ZRANB3: variants seen among roughly 807,000 people sequenced by gnomAD.
ZRANB3 encodes the protein DNA annealing helicase and endonuclease ZRANB3.
In ZRANB3, 125 loss-of-function variants were observed where a neutral mutation model predicts 133.8. That is an observed-to-expected ratio of 0.93 (90% CI 0.81 to 1.08). The LOEUF (loss-of-function observed/expected upper bound fraction) is 1.08. ZRANB3 is among the 50% of genes least tolerant of loss of function. The pLI is 0.00. For synonymous variants in ZRANB3, 387 were observed against 432.7 expected, an observed-to-expected ratio of 0.89 and a Z score of 1.31; for missense variants, 1,229 against 1,275.5, an observed-to-expected ratio of 0.96 and a Z score of 0.56.
intron 11 of ZRANB3, among the ~76,000 whole-genome samples, chr2:135,267,097 T>C (rs1237758159): frequency 1.3e-5 from 2 of 152,228 alleles, no homozygotes; most frequent in African/African-American, 4.8e-5. Flanking sequence ...ATAAATCTCT[T>C]AAAATATTTT....
At chr2:135,473,541 T>C (rs1301434516) in intron 2 of ZRANB3, among the ~76,000 whole-genome samples, 1 of 146,774 alleles carries the variant, frequency 6.8e-6, no homozygotes, top group Non-Finnish European at 1.5e-5. Flanking sequence ...TAGCTAGTAA[T>C]ATGCTAAAAA....
rs776713406 is a variant in ZRANB3, at chr2:135,230,512, C to G, written c.1954+1G>C. 2 of 1,523,694 alleles carry G rather than the reference C, an allele frequency of 1.3e-6. No homozygotes were observed. The highest frequency in any genetic ancestry group is 1.8e-6 in the Non-Finnish European group (2 of 1,139,356). The allele number at this position is 1,523,694 out of a possible 1,614,324, so 94.4% of individuals were successfully genotyped here. A position where few individuals can be genotyped will look rare whatever the true frequency, so the allele number is the denominator to read the frequency against. ...TCCATGGTCACCTTCTATATACTCA[C>G]CAGCACTGCCTTGAGGAGTCTCACA... On this transcript the variant is annotated splice_donor_variant, in intron 13 of 20. Transcript: ENST00000264159. LOFTEE classifies it high-confidence loss of function.
intron 3 of ZRANB3, among the ~76,000 whole-genome samples, chr2:135,363,476 T>G (rs1238451566): frequency 6.6e-6 from 1 of 152,220 alleles, no homozygotes; most frequent in Non-Finnish European, 1.5e-5. Context: ...TTTTCCATAA[T>G]TTTTGTACGT....
At chr2:135,264,965 T>C (rs1457244552) in intron 12 of ZRANB3, among the ~76,000 whole-genome samples, 1 of 152,076 alleles carries the variant, frequency 6.6e-6, no homozygotes, top group Non-Finnish European at 1.5e-5. Flanking sequence ...ACTAGGCTGG[T>C]CTCAAACTCC....
intron 3 of ZRANB3, among the ~76,000 whole-genome samples, chr2:135,358,631 A>T (rs1402040095): frequency 1.3e-5 from 2 of 152,216 alleles, no homozygotes; most frequent in Non-Finnish European, 2.9e-5. Context: ...ATTAAGAAAT[A>T]TGAAGTCATT....
chr2:135,246,296 G>A (rs963289280), intron 12 of ZRANB3, among the ~76,000 whole-genome samples: 20 of 151,950 alleles, frequency 1.3e-4, no homozygotes, highest in African/African-American at 4.8e-4. Context: ...AAAGAAGAAG[G>A]TGACCTTAAA....
At chr2:135,410,453 A>G (rs1688254344) in intron 2 of ZRANB3, among the ~76,000 whole-genome samples, 1 of 152,186 alleles carries the variant, frequency 6.6e-6, no homozygotes. Flanking sequence ...ATGAAACTGG[A>G]ACTCTACATA....
At chr2:135,492,297 T>C (rs1692424208) in intron 2 of ZRANB3, among the ~76,000 whole-genome samples, 1 of 152,052 alleles carries the variant, frequency 6.6e-6, no homozygotes, top group South Asian at 2.1e-4. Context: ...CCTTGTAACA[T>C]AAAAATTTAT....
In ZRANB3 at chr2:135,202,879, A is replaced by G; in HGVS notation, c.3094T>C (p.Cys1032Arg). The G allele has an allele frequency of 6.2e-7, 1 of 1,611,302 alleles. No individual in the cohort carries two copies. Among genetic ancestry groups the G allele is most frequent in the Non-Finnish European group, 8.5e-7 (1 of 1,178,716 alleles). ...AGAGTCTGCAGGTTGTCCAGGGAAC[A>G]CTGTCCTCCTCCCCCATACACTGGC... is the stretch of plus-strand genomic sequence containing the variant. ...IKPVYGGGGQ[C>R]SLDNLQTLCT... Residue 1032 changes from cysteine to arginine, a missense_variant, in exon 20 of 21, where the codon TGT becomes CGT. By Grantham distance (180) the Cys-to-Arg change is radical. Transcript: ENST00000264159.
intron 4 of ZRANB3, among the ~76,000 whole-genome samples, chr2:135,351,265 C>CTTTT (rs34205567): frequency 6.7e-5 from 8 of 119,694 alleles, no homozygotes; most frequent in East Asian, 2.3e-4. Context: ...CTATAATTTT[C>CTTTT]TTTTTTTTTT....
rs768775429 is a variant in ZRANB3, at chr2:135,390,822, T to TG, written c.162-3dup. On this transcript the variant is annotated splice_region_variant and splice_polypyrimidine_tract_variant and intron_variant, in intron 2 of 20. Coordinates refer to ENST00000264159, the MANE Select transcript of ZRANB3 (RefSeq NM_032143.4). ...CTTACTTCATCAGCCACCATACACC[T>TG]GGAAAAAAAAAAAAAAAAAAATTAA... The TG allele has an allele frequency of 1.4e-6, 2 of 1,440,500 alleles. No homozygotes were observed. The highest frequency in any genetic ancestry group is 1.6e-5 in the African/African-American group (1 of 63,396). 89.2% of individuals were successfully genotyped at this position (1,440,500 alleles called of 1,614,324 possible).
intron 2 of ZRANB3, among the ~76,000 whole-genome samples, chr2:135,443,757 G>C (rs1395127215): frequency 6.6e-6 from 1 of 151,910 alleles, no homozygotes; most frequent in African/African-American, 2.4e-5. Flanking sequence ...GATAAGGAAA[G>C]ATTAAGAAAC....
chr2:135,304,590 T>C (rs926410071), intron 8 of ZRANB3, among the ~76,000 whole-genome samples: 1 of 152,122 alleles, frequency 6.6e-6, no homozygotes, highest in African/African-American at 2.4e-5. Flanking sequence ...TTCTCTTTCA[T>C]TTCCTAAGAA....
chr2:135,397,398 T>C (rs1052217483), intron 2 of ZRANB3, among the ~76,000 whole-genome samples: 1 of 150,058 alleles, frequency 6.7e-6, no homozygotes, highest in Non-Finnish European at 1.5e-5. Flanking sequence ...CAGTGAGGCA[T>C]GATCGTACCA....
At chr2:135,455,171 CTTTTTTTTTT>C (rs1166170814) in intron 2 of ZRANB3, among the ~76,000 whole-genome samples, 561 of 37,518 alleles carry the variant, frequency 0.015, 3 homozygotes, top group Middle Eastern at 0.024. Flanking sequence ...CCTTCTTATA[CTTTTTTTTTT>C]TTTTTTTTTT....
At chr2:135,306,686 TC>T (rs1682723445) in intron 8 of ZRANB3, among the ~76,000 whole-genome samples, 1 of 151,766 alleles carries the variant, frequency 6.6e-6, no homozygotes. Context: ...ATTCCTGGGT[TC>T]AAGCAATTCT....
At chr2:135,524,669 A>G (rs1019270941) in intron 1 of ZRANB3, among the ~76,000 whole-genome samples, 1 of 152,210 alleles carries the variant, frequency 6.6e-6, no homozygotes, top group Non-Finnish European at 1.5e-5. Flanking sequence ...TCTAGACACC[A>G]AAACATATTA....
intron 11 of ZRANB3, among the ~76,000 whole-genome samples, chr2:135,268,118 T>C (rs1288297023): frequency 6.6e-6 from 1 of 152,168 alleles, no homozygotes; most frequent in East Asian, 1.9e-4. Context: ...GGTACTTTGT[T>C]ATGGCTGCCC....
In ZRANB3 at chr2:135,198,696, G is replaced by C. The variant is rs1693498606; in HGVS notation, c.*1646C>G. On this transcript the variant is annotated 3_prime_UTR_variant, in exon 21 of 21. Coordinates refer to ENST00000264159, the MANE Select transcript of ZRANB3 (RefSeq NM_032143.4). ...TGGCTCTCAACCGTGACAAATCCTAGGTTACCTTGGAAATGAGGCAGAAAA... is the reference window on the plus strand; with the variant it reads ...TGGCTCTCAACCGTGACAAATCCTACGTTACCTTGGAAATGAGGCAGAAAA... 6.6e-6 allele frequency: 1 copy of C among 152,118 alleles called. No homozygotes were observed. Among genetic ancestry groups the C allele is most frequent in the South Asian group, 2.1e-4 (1 of 4,828 alleles). 9.4% of individuals were successfully genotyped at this position (152,118 alleles called of 1,614,324 possible).
Sources: gnomAD v4.1 joint callset for allele counts (sites outside exome capture counted in the v4.1 genomes callset) on GRCh38, gnomAD v4.1.1 for gene constraint, MANE v1.5 for transcripts, NCBI Gene and HGNC (gene_info 2026-07-23, HGNC 2026-07-21) for gene names.